Variants in GRM3 observed in about 807,000 individuals in gnomAD.
The protein encoded by GRM3 is glutamate metabotropic receptor 3.
Under a neutral mutation model 70.5 loss-of-function variants are expected in GRM3, and 26 were observed. The observed-to-expected ratio is 0.37, with a 90% confidence interval of 0.27 to 0.51. The LOEUF (loss-of-function observed/expected upper bound fraction) is 0.51. Among genes scored for constraint, GRM3 ranks in the 20% least tolerant of loss-of-function variants. The probability of loss-of-function intolerance (pLI) is 0.93; values close to 1 mark genes in which losing one functional copy is unlikely to be tolerated. For synonymous variants in GRM3, 443 were observed against 434.9 expected (o/e 1.02, Z -0.23); for missense variants, 859 against 1,123.8 (o/e 0.76, Z 3.37).
chr7:86,728,733 T>C (rs1795650583), intron 1 of GRM3, among the ~76,000 whole-genome samples: 1 of 152,170 alleles, frequency 6.6e-6, no homozygotes, highest in East Asian at 1.9e-4. Context: ...GGCATCTATG[T>C]CCATATCTGA....
At chr7:86,804,626 G>T (rs994296737) in intron 3 of GRM3, among the ~76,000 whole-genome samples, 1 of 152,122 alleles carries the variant, frequency 6.6e-6, no homozygotes. Flanking sequence ...GGCCAGGCTG[G>T]TCTCGAACTC....
intron 1 of GRM3, among the ~76,000 whole-genome samples, chr7:86,656,853 A>G (rs1793758595): frequency 6.6e-6 from 1 of 152,162 alleles, no homozygotes; most frequent in South Asian, 2.1e-4. Context: ...CTACAAAATA[A>G]TATAAGATGT....
intron 1 of GRM3, among the ~76,000 whole-genome samples, chr7:86,663,692 G>C (rs1793954872): frequency 1.3e-5 from 2 of 151,958 alleles, no homozygotes; most frequent in Admixed American, 6.6e-5. Flanking sequence ...ACATCGTTAA[G>C]AAGTTTGTAA....
chr7:86,697,830 G>A (rs1424713414), intron 1 of GRM3, among the ~76,000 whole-genome samples: 1 of 152,068 alleles, frequency 6.6e-6, no homozygotes, highest in Non-Finnish European at 1.5e-5. Flanking sequence ...AGAGATACCA[G>A]AACCCATCTC....
At chr7:86,840,582 C>T (rs1798540828) in intron 4 of GRM3, among the ~76,000 whole-genome samples, 1 of 151,938 alleles carries the variant, frequency 6.6e-6, no homozygotes, top group Non-Finnish European at 1.5e-5. Context: ...CTTATAATTA[C>T]CATCTCTTTT....
intron 1 of GRM3, among the ~76,000 whole-genome samples, chr7:86,676,304 A>G (rs939461524): frequency 1.6e-3 from 249 of 152,028 alleles, no homozygotes; most frequent in Non-Finnish European, 2.1e-3. Context: ...AAGATTTTAG[A>G]TTAAAATCAG....
At chr7:86,809,047 T>C (rs1246397183) in intron 3 of GRM3, among the ~76,000 whole-genome samples, 1 of 152,000 alleles carries the variant, frequency 6.6e-6, no homozygotes, top group South Asian at 2.1e-4. Context: ...AAAAAGCTAA[T>C]AAAGAAACCT....
Position 86,853,580 on chromosome 7 carries a change from G to C in GRM3, c.2566+3036G>C, listed in dbSNP as rs139546543. Among the ~76,000 whole-genome samples the C allele has an allele frequency of 5.3e-4, 81 of 152,262 alleles. 2 individuals carry two copies. In the East Asian group the frequency reaches 0.014, roughly 27 times the overall value. The stretch of plus-strand genomic sequence containing the variant: ...TACATAATTCACGTTCTTCCAGTGA[G>C]TATAATGTTAGCACTTTATTTCATT... On this transcript the variant is annotated intron_variant, in intron 5 of 5. Transcript: ENST00000361669.
chr7:86,827,969 G>A (rs1440060167), intron 3 of GRM3, among the ~76,000 whole-genome samples: 31 of 152,018 alleles, frequency 2.0e-4, no homozygotes, highest in African/African-American at 7.5e-4. Flanking sequence ...AAAATTAGCT[G>A]GGCGTGGTGG....
intron 4 of GRM3, among the ~76,000 whole-genome samples, chr7:86,843,876 G>T (rs1410792347): frequency 1.3e-5 from 2 of 152,088 alleles, no homozygotes; most frequent in African/African-American, 2.4e-5. Context: ...TTGAAAAGCG[G>T]GTTACTGCAG....
chr7:86,713,562 T>G (rs1381552105), intron 1 of GRM3, among the ~76,000 whole-genome samples: 1 of 151,878 alleles, frequency 6.6e-6, no homozygotes, highest in Non-Finnish European at 1.5e-5. Flanking sequence ...TCCAGGCCCC[T>G]CCCTACCCCC....
At chr7:86,755,542 C>T (rs901392980) in intron 1 of GRM3, among the ~76,000 whole-genome samples, 1 of 152,036 alleles carries the variant, frequency 6.6e-6, no homozygotes, top group Non-Finnish European at 1.5e-5. Flanking sequence ...TGGAGAAATG[C>T]TCAAAGGGCT....
chr7:86,724,758 G>A (rs1795553549), intron 1 of GRM3, among the ~76,000 whole-genome samples: 1 of 148,354 alleles, frequency 6.7e-6, no homozygotes, highest in Non-Finnish European at 1.5e-5. Context: ...TGAGTGGGGA[G>A]GGTTAGATTA....
At chr7:86,801,146 C>T (rs1446275325) in intron 3 of GRM3, among the ~76,000 whole-genome samples, 1 of 148,414 alleles carries the variant, frequency 6.7e-6, no homozygotes, top group East Asian at 2.0e-4. Flanking sequence ...TCTCAGCTCA[C>T]TGCAACCTCT....
Position 86,795,211 on chromosome 7 carries a change from G to A in GRM3, c.1324+8095G>A, listed in dbSNP as rs527703218. 3.3e-5 allele frequency among the ~76,000 whole-genome samples: 5 copies of A among 151,720 alleles called. No homozygotes were observed. In the East Asian group the frequency reaches 5.8e-4, roughly 18 times the overall value. ...GAGTGGGGTTAACACATACAGAACC[G>A]AAGTATAGGAGGATAAGTTAAGAGC... On this transcript the variant is annotated intron_variant, in intron 3 of 5. Coordinates refer to ENST00000361669, the MANE Select transcript of GRM3 (RefSeq NM_000840.3).
At chr7:86,721,086 C>T (rs938376973) in intron 1 of GRM3, among the ~76,000 whole-genome samples, 15 of 152,094 alleles carry the variant, frequency 9.9e-5, no homozygotes, top group East Asian at 1.9e-4. Context: ...CTGCCTGGGC[C>T]GCTAACACAC....
intron 3 of GRM3, among the ~76,000 whole-genome samples, chr7:86,822,437 CA>C (rs1249404217): frequency 4.0e-5 from 6 of 151,854 alleles, no homozygotes; most frequent in Admixed American, 1.3e-4. Context: ...CAAGCAGAAG[CA>C]ATATTTGTGC....
intron 3 of GRM3, among the ~76,000 whole-genome samples, chr7:86,823,941 A>G (rs895562368): frequency 5.9e-5 from 9 of 152,148 alleles, no homozygotes; most frequent in Non-Finnish European, 1.0e-4. Context: ...TGAATGGCAG[A>G]TCTTCCTTCC....
chr7:86,833,754 T>C (rs1206191926), intron 3 of GRM3, among the ~76,000 whole-genome samples: 2 of 152,234 alleles, frequency 1.3e-5, no homozygotes, highest in African/African-American at 4.8e-5. Flanking sequence ...TTTCCCATTC[T>C]AGTACAGACA....
Sources: gnomAD v4.1 joint callset for allele counts (sites outside exome capture counted in the v4.1 genomes callset) on GRCh38, gnomAD v4.1.1 for gene constraint, MANE v1.5 for transcripts, NCBI Gene and HGNC (gene_info 2026-07-23, HGNC 2026-07-21) for gene names.